Variants in SPHKAP observed in about 807,000 individuals in gnomAD.
SPHKAP encodes SPHK1 interactor, AKAP domain containing, also known as A-kinase anchor protein SPHKAP.
SPHKAP carries 67 observed loss-of-function variants against 137.5 expected under a neutral mutation model. That is an observed-to-expected ratio of 0.49 (90% CI 0.40 to 0.60). The LOEUF is 0.60. Ranked by LOEUF, SPHKAP falls within the 20% of genes least tolerant of loss-of-function variation. SPHKAP has a pLI of 0.00. For missense variants in SPHKAP, 2,097 were observed against 2,069.3 expected (o/e 1.01, Z -0.26); for synonymous variants, 813 against 785.3 (o/e 1.04, Z -0.59).
At chr2:228,044,381 A>G (rs1217109220) in intron 3 of SPHKAP, among the ~76,000 whole-genome samples, 1 of 152,214 alleles carries the variant, frequency 6.6e-6, no homozygotes, top group Admixed American at 6.5e-5. Context: ...TTGAATATCT[A>G]TATTAATAAA....
At chr2:228,164,475 G>C (rs183934465) in intron 1 of SPHKAP, among the ~76,000 whole-genome samples, 1 of 152,300 alleles carries the variant, frequency 6.6e-6, no homozygotes. Flanking sequence ...AAACATTGTG[G>C]TATTGAAGTT....
At chr2:228,178,119 G>A (rs1001458993) in intron 1 of SPHKAP, among the ~76,000 whole-genome samples, 1 of 152,092 alleles carries the variant, frequency 6.6e-6, no homozygotes, top group Non-Finnish European at 1.5e-5. Context: ...TGTTCTGATG[G>A]TATCAGTGTT....
intron 3 of SPHKAP, among the ~76,000 whole-genome samples, chr2:228,075,145 C>T (rs1697137448): frequency 6.6e-6 from 1 of 152,128 alleles, no homozygotes; most frequent in African/African-American, 2.4e-5. Flanking sequence ...GAAAAAAATA[C>T]AAATTATAGA....
intron 11 of SPHKAP, among the ~76,000 whole-genome samples, chr2:227,984,572 C>T (rs1029926598): frequency 6.6e-6 from 1 of 152,064 alleles, no homozygotes; most frequent in African/African-American, 2.4e-5. Flanking sequence ...AGATCCAAGC[C>T]ATGATTTTGA....
intron 3 of SPHKAP, among the ~76,000 whole-genome samples, chr2:228,073,385 A>ACTAGG (rs1697063636): frequency 6.6e-6 from 1 of 152,244 alleles, no homozygotes; most frequent in South Asian, 2.1e-4. Context: ...CTGAAAATAC[A>ACTAGG]CTAGGCAGAA....
intron 1 of SPHKAP, among the ~76,000 whole-genome samples, chr2:228,180,118 T>C (rs953574329): frequency 2.0e-5 from 3 of 152,050 alleles, no homozygotes; most frequent in African/African-American, 7.2e-5. Context: ...AAGACAGCGG[T>C]GGTCCTTTGA....
rs1370655932 is a variant in SPHKAP at position 228,019,507 on chromosome 2, T to A, written c.1347A>T (p.Lys449Asn). The change falls in exon 7 of 12, where the codon AAA (lysine) becomes AAT (asparagine). Residue 449 changes from lysine to asparagine, a missense_variant. Coordinates refer to ENST00000392056, the MANE Select transcript of SPHKAP (RefSeq NM_001142644.2). ...CATCTGGACTCTGAACAACGACGAT[T>A]TTGGGGAGCTCATTCCATGACCGAG... The part of the protein sequence containing the change: ...VVSRSWNELP[K>N]IVVVQSPDGS... The A allele has an allele frequency of 1.2e-6, 2 of 1,614,010 alleles. No individual in the cohort carries two copies. Among genetic ancestry groups the A allele is most frequent in the African/African-American group, 2.7e-5 (2 of 74,914 alleles).
At chr2:228,156,107 C>A (rs562337225) in intron 1 of SPHKAP, among the ~76,000 whole-genome samples, 1 of 152,280 alleles carries the variant, frequency 6.6e-6, no homozygotes, top group African/African-American at 2.4e-5. Flanking sequence ...CCCTCAAGAC[C>A]TACTTTGTAA....
intron 3 of SPHKAP, among the ~76,000 whole-genome samples, chr2:228,059,862 A>G (rs1404076092): frequency 2.6e-5 from 4 of 152,208 alleles, no homozygotes; most frequent in Admixed American, 6.5e-5. Context: ...TATTATAGCA[A>G]CAGTAGTAAT....
chr2:228,073,859 A>C (rs1464044650), intron 3 of SPHKAP, among the ~76,000 whole-genome samples: 1 of 140,062 alleles, frequency 7.1e-6, no homozygotes, highest in Non-Finnish European at 1.6e-5. Context: ...TCATCATTTA[A>C]CATCTTTTTT....
At position 228,139,541 on chromosome 2, in the gene SPHKAP, T is replaced by C. The variant is rs1235823908; in HGVS notation, c.33-7456A>G. ...ATTAAGAAGACAATAACAAGTTATT[T>C]CCTATGGTTTGATCACTGCTGTACA... On this transcript the variant is annotated intron_variant, in intron 1 of 11. Coordinates refer to ENST00000392056, the MANE Select transcript of SPHKAP (RefSeq NM_001142644.2). 3.3e-5 allele frequency among the ~76,000 whole-genome samples: 5 copies of C among 152,214 alleles called. No individual in the cohort carries two copies. The East Asian group carries it at 9.6e-4, about 29-fold the overall frequency.
rs1311780547 is a variant in SPHKAP, at chr2:228,154,556, T to A, written c.33-22471A>T. ...TATTTTTTTTTTTTTTTTTTTTTTT[T>A]TTTTTTTTTTGAGATGGAGTCTCGC... On this transcript the variant is annotated intron_variant, in intron 1 of 11. Coordinates refer to ENST00000392056, the MANE Select transcript of SPHKAP (RefSeq NM_001142644.2). Among the ~76,000 whole-genome samples, 9 of 80,608 alleles carry A rather than the reference T, an allele frequency of 1.1e-4. 1 individual carries two copies. Among genetic ancestry groups the A allele is most frequent in the Admixed American group, 1.4e-4 (1 of 7,332 alleles). 52.9% of individuals were successfully genotyped at this position (80,608 alleles called of 152,430 possible).
chr2:228,027,355 C>T (rs369239712), intron 4 of SPHKAP, 129 bp downstream of exon 4: 39 of 944,664 alleles, frequency 4.1e-5, no homozygotes, highest in South Asian at 1.2e-4. Flanking sequence ...GGGAAAGGGT[C>T]GGGGAAATGG....
In SPHKAP at chr2:228,019,778, A is replaced by G. The variant is rs755573576; in HGVS notation, c.1076T>C (p.Val359Ala). 3 of 1,614,102 alleles carry G rather than the reference A, an allele frequency of 1.9e-6. No individual in the cohort carries two copies. The South Asian group carries it at 3.3e-5, about 18-fold the overall frequency. The part of the protein sequence containing the change: ...MDKDVPSACA[V>A]AEQRSNLNPG... ...GTTTAGGTTGCTTCTCTGCTCTGCC[A>G]CAGCACATGCAGAAGGTACATCTTT... The change falls in exon 7 of 12, where the codon GTG becomes GCG. Residue 359 changes from valine (V) to alanine (A), a missense_variant. Val to Ala is a moderately conservative substitution (Grantham distance 64). Coordinates refer to ENST00000392056, the MANE Select transcript of SPHKAP (RefSeq NM_001142644.2).
At chr2:228,088,013 G>T (rs1279403371) in intron 3 of SPHKAP, among the ~76,000 whole-genome samples, 1 of 152,134 alleles carries the variant, frequency 6.6e-6, no homozygotes, top group East Asian at 1.9e-4. Context: ...CATTTCTATT[G>T]TACATTTCAT....
intron 11 of SPHKAP, 191 bp from the exon 12 acceptor site, chr2:227,982,051 A>ATTTTTTTTTTTTTTTTTTTTT: frequency 1.2e-6 from 1 of 860,744 alleles, no homozygotes; most frequent in Non-Finnish European, 1.4e-6. Flanking sequence ...CATCAAGTGA[A>ATTTTTTTTTTTTTTTTTTTTT]TTTTTTTTTT....
At chr2:228,046,197 AT>A (rs1696044212) in intron 3 of SPHKAP, among the ~76,000 whole-genome samples, 1 of 151,382 alleles carries the variant, frequency 6.6e-6, no homozygotes, top group South Asian at 2.1e-4. Context: ...AATATATGCA[AT>A]TTTTGTTTGT....
At chr2:228,079,588 T>C (rs1028551363) in intron 3 of SPHKAP, among the ~76,000 whole-genome samples, 3 of 152,348 alleles carry the variant, frequency 2.0e-5, no homozygotes, top group African/African-American at 7.2e-5. Flanking sequence ...ACTCAAGCTC[T>C]AGGCCTACCC....
chr2:228,125,581 A>T (rs867205677), intron 2 of SPHKAP, among the ~76,000 whole-genome samples: 1 of 152,208 alleles, frequency 6.6e-6, no homozygotes, highest in African/African-American at 2.4e-5. Context: ...CAAGTCTCTC[A>T]ATTCCAAGTC....
Sources: gnomAD v4.1 joint callset for allele counts (sites outside exome capture counted in the v4.1 genomes callset) on GRCh38, gnomAD v4.1.1 for gene constraint, MANE v1.5 for transcripts, NCBI Gene and HGNC (gene_info 2026-07-23, HGNC 2026-07-21) for gene names.